RNF111: variants seen among roughly 807,000 people sequenced by gnomAD.
The protein encoded by RNF111 is E3 ubiquitin-protein ligase Arkadia.
A neutral mutation model predicts 95.1 loss-of-function variants in RNF111; 17 were observed. That is an observed-to-expected ratio of 0.18 (90% CI 0.12 to 0.27). RNF111 has a LOEUF of 0.27. Ranked by LOEUF, RNF111 falls within the 10% of genes least tolerant of loss-of-function variation. The pLI is 1.00. For missense variants in RNF111, 1,189 were observed against 1,210.4 expected (o/e 0.98, Z 0.26); for synonymous variants, 440 against 414.8 (o/e 1.06, Z -0.74).
intron 6 of RNF111, among the ~76,000 whole-genome samples, chr15:59,067,354 TCCCTTC>T (rs1210201309): frequency 5.3e-5 from 8 of 151,508 alleles, no homozygotes; most frequent in African/African-American, 1.9e-4. Flanking sequence ...CTTTCTCCTT[TCCCTTC>T]CCCTTCCCCT....
intron 3 of RNF111, among the ~76,000 whole-genome samples, chr15:59,053,999 C>T (rs1171234440): frequency 6.6e-6 from 1 of 152,128 alleles, no homozygotes; most frequent in Non-Finnish European, 1.5e-5. Context: ...GCAGTGGCGC[C>T]ATCTTGGCTC....
At chr15:59,090,767 G>GAAAC (rs1248670842) in intron 11 of RNF111, among the ~76,000 whole-genome samples, 1 of 152,162 alleles carries the variant, frequency 6.6e-6, no homozygotes, top group African/African-American at 2.4e-5. Context: ...CTGTCTATGA[G>GAAAC]AAACATTAAG....
intron 6 of RNF111, 57 bp from the exon 7 acceptor site, chr15:59,075,897 A>G (rs1185811828): frequency 3.1e-5 from 49 of 1,556,396 alleles, no homozygotes; most frequent in Non-Finnish European, 4.3e-5. Flanking sequence ...TTTATAATAT[A>G]ACATGAAATA....
At chr15:59,068,217 C>T (rs1250986270) in intron 6 of RNF111, among the ~76,000 whole-genome samples, 1 of 149,886 alleles carries the variant, frequency 6.7e-6, no homozygotes, top group Admixed American at 6.7e-5. Flanking sequence ...GAGATGCTGT[C>T]TCAAAAAACA....
chr15:59,063,368 A>T (rs115014341), intron 5 of RNF111, among the ~76,000 whole-genome samples: 207 of 152,296 alleles, frequency 1.4e-3, no homozygotes, highest in African/African-American at 4.7e-3. Flanking sequence ...AGACTGTTGA[A>T]TGAATGAGTA....
At chr15:59,060,533 A>G (rs2042389375) in intron 5 of RNF111, among the ~76,000 whole-genome samples, 1 of 152,132 alleles carries the variant, frequency 6.6e-6, no homozygotes, top group South Asian at 2.1e-4. Flanking sequence ...CTACTCAGAG[A>G]CTGAGTCAGG....
intron 1 of RNF111, among the ~76,000 whole-genome samples, chr15:59,019,840 T>A (rs1311909403): frequency 1.3e-5 from 2 of 152,056 alleles, no homozygotes; most frequent in Non-Finnish European, 2.9e-5. Flanking sequence ...GTGCCTATAG[T>A]CCTAGCTGCT....
chr15:59,010,105 C>T (rs2039725945), intron 1 of RNF111, among the ~76,000 whole-genome samples: 1 of 152,164 alleles, frequency 6.6e-6, no homozygotes, highest in South Asian at 2.1e-4. Flanking sequence ...CACATGAAAT[C>T]ATGGCTAAAA....
At chr15:59,075,614 G>C (rs575644729) in intron 6 of RNF111, among the ~76,000 whole-genome samples, 4 of 152,238 alleles carry the variant, frequency 2.6e-5, no homozygotes, top group East Asian at 3.9e-4. Context: ...GAATATAGAA[G>C]TATGATTTTT....
intron 2 of RNF111, among the ~76,000 whole-genome samples, chr15:59,036,268 G>A (rs2041173236): frequency 6.6e-6 from 1 of 151,984 alleles, no homozygotes; most frequent in Non-Finnish European, 1.5e-5. Flanking sequence ...ATGGTGGCCG[G>A]GCTGGTCTCA....
intron 1 of RNF111, among the ~76,000 whole-genome samples, chr15:59,003,350 C>A (rs1262225768): frequency 1.3e-5 from 2 of 152,028 alleles, no homozygotes; most frequent in Non-Finnish European, 2.9e-5. Context: ...AGCCATCTGC[C>A]CACCTTGACC....
At position 59,003,446 on chromosome 15, in the gene RNF111, T is replaced by A. The variant is rs1449869258; in HGVS notation, c.-20+15378T>A. ...CAGAGTCTGGCTCTGTTGCTCAGAC[T>A]GGAGTGCAGTGGCATGATCCCTGCT... is the stretch of plus-strand genomic sequence containing the variant. On this transcript the variant is annotated intron_variant, in intron 1 of 13. Coordinates refer to ENST00000348370, the MANE Select transcript of RNF111 (RefSeq NM_017610.8). Among the ~76,000 whole-genome samples the A allele has an allele frequency of 2.6e-5, 4 of 152,188 alleles. No homozygotes were observed. In the East Asian group the frequency reaches 7.7e-4, roughly 29 times the overall value.
intron 2 of RNF111, among the ~76,000 whole-genome samples, chr15:59,040,520 C>G (rs1337819162): frequency 6.6e-6 from 1 of 152,056 alleles, no homozygotes; most frequent in Non-Finnish European, 1.5e-5. Context: ...ATTTCCACTG[C>G]AAGTTTAGGA....
chr15:59,083,723 C>T (rs1051209031), intron 8 of RNF111, among the ~76,000 whole-genome samples: 20 of 151,990 alleles, frequency 1.3e-4, no homozygotes, highest in Non-Finnish European at 2.9e-4. Flanking sequence ...TCAATGTGTC[C>T]TGCTTTAATG....
At chr15:58,995,764 CTTTTT>C (rs34209382) in intron 1 of RNF111, among the ~76,000 whole-genome samples, 1 of 99,528 alleles carries the variant, frequency 1.0e-5, no homozygotes. Context: ...GTGCCCCGGC[CTTTTT>C]TTTTTTTTTT....
At chr15:59,007,113 T>C (rs2039576228) in intron 1 of RNF111, among the ~76,000 whole-genome samples, 1 of 152,200 alleles carries the variant, frequency 6.6e-6, no homozygotes, top group Admixed American at 6.5e-5. Flanking sequence ...AATGCACAAA[T>C]CTTAAGTATA....
At chr15:59,046,452 C>T in intron 2 of RNF111, among the ~76,000 whole-genome samples, 1 of 152,166 alleles carries the variant, frequency 6.6e-6, no homozygotes, top group East Asian at 1.9e-4. Context: ...CTCAGCCTAC[C>T]AGATTGCTGT....
intron 1 of RNF111, among the ~76,000 whole-genome samples, chr15:59,013,617 G>A (rs1275439766): frequency 4.6e-5 from 7 of 152,170 alleles, no homozygotes. Flanking sequence ...TGGCTGAGTA[G>A]TGTTTGCCAG....
chr15:59,015,355 C>T (rs1255383784), intron 1 of RNF111, among the ~76,000 whole-genome samples: 1 of 152,028 alleles, frequency 6.6e-6, no homozygotes, highest in Non-Finnish European at 1.5e-5. Flanking sequence ...TATGAATTCA[C>T]ATATAGTTTT....
Sources: allele counts gnomAD v4.1 joint callset (sites outside exome capture counted in the v4.1 genomes callset), GRCh38; gene constraint gnomAD v4.1.1; transcripts MANE v1.5; gene names NCBI Gene and HGNC (gene_info 2026-07-23, HGNC 2026-07-21).